The following CNBD1 variants were observed in gnomAD, a reference collection of about 807,000 sequenced individuals.
The protein encoded by CNBD1 is cyclic nucleotide-binding domain-containing protein 1.
Under a neutral mutation model 54.4 loss-of-function variants are expected in CNBD1, and 71 were observed. That is an observed-to-expected ratio of 1.30 (90% CI 1.08 to 1.59). CNBD1 has a LOEUF of 1.59. Ranked by LOEUF, CNBD1 falls within the 40% of genes most tolerant of loss-of-function variation. CNBD1 has a pLI of 0.00. For missense variants in CNBD1, 659 were observed against 518.0 expected, an observed-to-expected ratio of 1.27 and a Z score of -2.64; for synonymous variants, 182 against 170.7, an observed-to-expected ratio of 1.07 and a Z score of -0.51.
At chr8:87,153,322 G>A (rs1812646085) in intron 4 of CNBD1, among the ~76,000 whole-genome samples, 1 of 152,066 alleles carries the variant, frequency 6.6e-6, no homozygotes, top group South Asian at 2.1e-4. Flanking sequence ...GATATCGTGG[G>A]ACCCATTATT....
At chr8:87,299,906 T>C (rs7833300) in intron 8 of CNBD1, among the ~76,000 whole-genome samples, 57,545 of 152,036 alleles carry the variant, frequency 0.38, 11,153 homozygotes, top group Middle Eastern at 0.45. Flanking sequence ...CTCTCTGTTC[T>C]TTTCTCCTTC....
At chr8:87,397,581 T>C (rs1811432292) in intron 2 of CNBD1, among the ~76,000 whole-genome samples, 1 of 151,978 alleles carries the variant, frequency 6.6e-6, no homozygotes, top group Admixed American at 6.6e-5. Flanking sequence ...GTGAAATATA[T>C]ATATTTTTAA....
chr8:87,234,323 T>A (rs776742474), intron 5 of CNBD1, among the ~76,000 whole-genome samples: 9 of 152,194 alleles, frequency 5.9e-5, no homozygotes, highest in Non-Finnish European at 1.3e-4. Flanking sequence ...AATGTCCAGT[T>A]TACTTTGCCC....
chr8:87,097,723 G>A (rs1299038398), intron 4 of CNBD1, among the ~76,000 whole-genome samples: 2 of 152,094 alleles, frequency 1.3e-5, no homozygotes, highest in African/African-American at 4.8e-5. Flanking sequence ...AGAGTAACTG[G>A]CATTTGATTG....
At chr8:86,875,921 A>G (rs1172319031) in intron 1 of CNBD1, among the ~76,000 whole-genome samples, 1 of 152,084 alleles carries the variant, frequency 6.6e-6, no homozygotes, top group Non-Finnish European at 1.5e-5. Flanking sequence ...ACTTTGTTGT[A>G]TGATCTTTGT....
At chr8:87,222,642 G>A (rs746804285) in intron 5 of CNBD1, among the ~76,000 whole-genome samples, 98 of 152,260 alleles carry the variant, frequency 6.4e-4, no homozygotes, top group Non-Finnish European at 1.2e-3. Flanking sequence ...TAGAATGGCT[G>A]ATTTTAGCTG....
intron 8 of CNBD1, among the ~76,000 whole-genome samples, chr8:87,342,759 G>A (rs1027318684): frequency 7.2e-5 from 11 of 152,086 alleles, no homozygotes; most frequent in African/African-American, 2.7e-4. Context: ...CAGGGAGTAG[G>A]TCACAAGGAT....
At chr8:87,369,449 T>G (rs753186265) in intron 10 of CNBD1, among the ~76,000 whole-genome samples, 1 of 152,102 alleles carries the variant, frequency 6.6e-6, no homozygotes, top group Non-Finnish European at 1.5e-5. Flanking sequence ...CATTCTATCC[T>G]TCCTTTTCTG....
At chr8:86,877,336 C>T (rs1286092210) in intron 1 of CNBD1, among the ~76,000 whole-genome samples, 4 of 152,082 alleles carry the variant, frequency 2.6e-5, no homozygotes, top group Non-Finnish European at 5.9e-5. Context: ...TTTATTAGTA[C>T]ATTTTGCATC....
At chr8:87,205,324 G>A (rs1195863230) in intron 4 of CNBD1, among the ~76,000 whole-genome samples, 4 of 152,096 alleles carry the variant, frequency 2.6e-5, no homozygotes, top group Admixed American at 6.6e-5. Context: ...GAGCCACCAC[G>A]CCTGGCCAAC....
intron 2 of CNBD1, among the ~76,000 whole-genome samples, chr8:87,388,287 A>T (rs1269781737): frequency 6.6e-6 from 1 of 152,120 alleles, no homozygotes; most frequent in African/African-American, 2.4e-5. Flanking sequence ...GACACAAAAA[A>T]CCCTTCAAAA....
intron 4 of CNBD1, among the ~76,000 whole-genome samples, chr8:87,025,357 A>G (rs1383894781): frequency 1.3e-5 from 2 of 152,092 alleles, no homozygotes; most frequent in Admixed American, 6.6e-5. Flanking sequence ...TTCACAATAA[A>G]TCTTGCTGCT....
At chr8:86,950,456 G>A (rs1191165402) in intron 4 of CNBD1, among the ~76,000 whole-genome samples, 1 of 152,076 alleles carries the variant, frequency 6.6e-6, no homozygotes, top group East Asian at 1.9e-4. Context: ...TGATTGATTT[G>A]CATATGTTGA....
chr8:87,211,870 A>T (rs755426198), intron 5 of CNBD1, among the ~76,000 whole-genome samples: 5 of 152,334 alleles, frequency 3.3e-5, no homozygotes, highest in Middle Eastern at 3.4e-3. Flanking sequence ...TATAACTTAG[A>T]TATAATGAAC....
At chr8:86,882,831 T>G (rs956713256) in intron 1 of CNBD1, among the ~76,000 whole-genome samples, 12 of 152,184 alleles carry the variant, frequency 7.9e-5, no homozygotes, top group African/African-American at 2.9e-4. Context: ...CATGGAATAC[T>G]ATGCAGCCAT....
At chr8:87,008,633 C>A (rs1263240915) in intron 4 of CNBD1, among the ~76,000 whole-genome samples, 1 of 152,098 alleles carries the variant, frequency 6.6e-6, no homozygotes, top group Non-Finnish European at 1.5e-5. Context: ...AGAAGAAAAG[C>A]AGAAATCATC....
At chr8:86,924,632 T>G (rs1443792882) in intron 3 of CNBD1, among the ~76,000 whole-genome samples, 1 of 152,140 alleles carries the variant, frequency 6.6e-6, no homozygotes. Context: ...CAACAAATGT[T>G]TCTGAATTGA....
At chr8:87,404,670 T>C (rs1434644927) in intron 2 of CNBD1, among the ~76,000 whole-genome samples, 1 of 152,128 alleles carries the variant, frequency 6.6e-6, no homozygotes. Context: ...TATACATCTG[T>C]GTTTAAATTT....
Position 86,887,612 on chromosome 8 carries a change from G to A in CNBD1, c.158+1G>A. On this transcript the variant is annotated splice_donor_variant, in intron 2 of 10. Transcript: ENST00000518476. LOFTEE classifies it high-confidence loss of function. ...TATGCCACATTAGAGGACAACACAG[G>A]TAAGCTATTCATGCATTTCTTTTTC... is the stretch of plus-strand genomic sequence containing the variant. 1 of 1,571,126 alleles carries A rather than the reference G, an allele frequency of 6.4e-7. No individual in the cohort carries two copies.
Sources: gnomAD v4.1 joint callset for allele counts (sites outside exome capture counted in the v4.1 genomes callset) on GRCh38, gnomAD v4.1.1 for gene constraint, MANE v1.5 for transcripts, NCBI Gene and HGNC (gene_info 2026-07-23, HGNC 2026-07-21) for gene names.